The following AGFG2 variants were observed in gnomAD, a reference collection of about 807,000 sequenced individuals.
AGFG2 encodes ArfGAP with FG repeats 2.
In AGFG2, 31 loss-of-function variants were observed where a neutral mutation model predicts 48.0. The ratio of observed to expected loss-of-function variants is 0.65; its 90% CI spans 0.49 to 0.87. The LOEUF is 0.87. Among genes scored for constraint, AGFG2 ranks in the 40% least tolerant of loss-of-function variants. AGFG2 has a pLI of 0.00. For missense variants in AGFG2, 599 were observed against 632.6 expected (o/e 0.95, Z 0.57); for synonymous variants, 229 against 260.8 (o/e 0.88, Z 1.18).
chr7:100,552,443 G>A (rs1339875923), intron 3 of AGFG2, among the ~76,000 whole-genome samples: 1 of 152,176 alleles, frequency 6.6e-6, no homozygotes, highest in Non-Finnish European at 1.5e-5. Flanking sequence ...TTGTCAGGGG[G>A]ATCCTGGAAC....
chr7:100,558,138 C>T (rs540666837), intron 6 of AGFG2, among the ~76,000 whole-genome samples: 67 of 152,202 alleles, frequency 4.4e-4, no homozygotes, highest in African/African-American at 1.5e-3. Context: ...CACTTGAACC[C>T]GGGAGGCGGA....
At position 100,546,320 on chromosome 7, in the gene AGFG2, T is replaced by C. The variant is rs561448761; in HGVS notation, c.222-2502T>C. On this transcript the variant is annotated intron_variant, in intron 1 of 11. Transcript: ENST00000300176. ...CTCCCTGTTTACAGTTCGCTAACAG[T>C]TCCTGGTTATCCATTCAGGAAATGT... is the stretch of plus-strand genomic sequence containing the variant. 2.6e-5 allele frequency among the ~76,000 whole-genome samples: 4 copies of C among 152,266 alleles called. No individual in the cohort carries two copies. In the South Asian group the frequency reaches 6.2e-4, roughly 24 times the overall value.
At position 100,567,955 on chromosome 7, in the gene AGFG2, T is replaced by C. The variant is rs1477501273; in HGVS notation, c.*2964T>C. The C allele has an allele frequency of 6.6e-6, 1 of 152,526 alleles. No individual in the cohort carries two copies. Among genetic ancestry groups the C allele is most frequent in the Non-Finnish European group, 1.5e-5 (1 of 68,062 alleles). 9.4% of individuals were successfully genotyped at this position (152,526 alleles called of 1,614,324 possible). A position where few individuals can be genotyped will look rare whatever the true frequency, so the allele number is the denominator to read the frequency against. On this transcript the variant is annotated 3_prime_UTR_variant, in exon 12 of 12. Coordinates refer to ENST00000300176, the MANE Select transcript of AGFG2 (RefSeq NM_006076.5). ...ACTCCAGGTTTGTCCTGGTACTCAG[T>C]GGGTCCAATCACCTGGCATTGATCA... is the stretch of plus-strand genomic sequence containing the variant.
rs775105221 is a variant in AGFG2 at position 100,564,222 on chromosome 7, T to C, written c.1305T>C (p.Ser435=). Residue 435 remains serine, a synonymous_variant, in exon 11 of 12, where the codon TCT becomes TCC. Coordinates refer to ENST00000300176, the MANE Select transcript of AGFG2 (RefSeq NM_006076.5). ...GTGACTGCTCTCGCCCCCTAGGCTCTTCCTTCGGGGACTTAGGATCAGCCA... is the reference window on the plus strand; with the variant it reads ...GTGACTGCTCTCGCCCCCTAGGCTCCTCCTTCGGGGACTTAGGATCAGCCA... The part of the protein sequence containing the change: ...QTPLVQQQNG[S]SFGDLGSAKL... 1 of 1,611,590 alleles carries C rather than the reference T, an allele frequency of 6.2e-7. No individual in the cohort carries two copies. The highest frequency in any genetic ancestry group is 1.1e-5 in the South Asian group (1 of 90,398).
intron 6 of AGFG2, among the ~76,000 whole-genome samples, chr7:100,559,954 C>G (rs1339067065): frequency 2.0e-5 from 3 of 152,190 alleles, no homozygotes; most frequent in Admixed American, 1.3e-4. Flanking sequence ...GGTTCTGCCC[C>G]CTAGTGTCCA....
At chr7:100,548,635 C>G (rs1207583437) in intron 1 of AGFG2, among the ~76,000 whole-genome samples, 187 bp from the exon 2 acceptor site, 1 of 152,108 alleles carries the variant, frequency 6.6e-6, no homozygotes, top group African/African-American at 2.4e-5. Context: ...CTTCTAATAT[C>G]TCCAAAATAT....
intron 3 of AGFG2, among the ~76,000 whole-genome samples, chr7:100,553,100 C>G (rs1441944686): frequency 6.6e-6 from 1 of 152,106 alleles, no homozygotes; most frequent in Non-Finnish European, 1.5e-5. Flanking sequence ...CTGTGTTGAG[C>G]CAACATTGCC....
chr7:100,564,962 A>G lies in AGFG2; in HGVS notation c.1417A>G (p.Lys473Glu), dbSNP rs1455045273. 5.0e-6 allele frequency: 8 copies of G among 1,613,994 alleles called. No homozygotes were observed. ...ACCCTCATCAAGCCCATTCGCCTCC[A>G]AACCTCCAACCACCAACCCCTTCTT... ...TGPSSSPFAS[K>E]PPTTNPFL Residue 473 changes from lysine (K) to glutamate (E), a missense_variant, in exon 12 of 12, where the codon AAA becomes GAA. Lys to Glu is a moderately conservative substitution (Grantham distance 56). Coordinates refer to ENST00000300176, the MANE Select transcript of AGFG2 (RefSeq NM_006076.5).
chr7:100,548,987 G>C, intron 2 of AGFG2, 72 bp downstream of exon 2: 3 of 1,257,814 alleles, frequency 2.4e-6, no homozygotes, highest in East Asian at 4.7e-5. Flanking sequence ...AGATTGTAGG[G>C]AAACCTTACG....
In AGFG2 at chr7:100,562,179, C is replaced by A; in HGVS notation, c.878-80C>A. The A allele has an allele frequency of 6.5e-7, 1 of 1,545,932 alleles. No homozygotes were observed. ...TGCCATGACTCCAATCCATCACCAC[C>A]ACCACCTCCATCTGCTCTCCTGCCC... On this transcript the variant is annotated intron_variant, in intron 6 of 11. Coordinates refer to ENST00000300176, the MANE Select transcript of AGFG2 (RefSeq NM_006076.5). This position sits in a 1 kb window ranked among gnomAD's most constrained non-coding sequence, Gnocchi z 5.4.
In AGFG2 at chr7:100,564,296, C is replaced by T. The variant is rs772512297; in HGVS notation, c.1379C>T (p.Pro460Leu). 1 of 1,613,508 alleles carries T rather than the reference C, an allele frequency of 6.2e-7. No individual in the cohort carries two copies. The highest frequency in any genetic ancestry group is 1.1e-5 in the South Asian group (1 of 90,878). The change falls in exon 11 of 12, where the codon CCC (proline) becomes CTC (leucine). Residue 460 changes from proline to leucine, a missense_variant. Pro to Leu is a moderately conservative substitution (Grantham distance 98). Coordinates refer to ENST00000300176, the MANE Select transcript of AGFG2 (RefSeq NM_006076.5). ...LSQPAGISTN[P>L]FMTGPSSSPF... ...CAGCCAGCTGGGATCTCCACCAACC[C>T]CTTCATGGTGAGTGTGCCAGCAGGG...
At position 100,548,821 on chromosome 7, in the gene AGFG2, G is replaced by A. The variant is rs1800564799; in HGVS notation, c.222-1G>A. The A allele has an allele frequency of 6.2e-7, 1 of 1,610,502 alleles. No homozygotes were observed. Among genetic ancestry groups the A allele is most frequent in the African/African-American group, 1.3e-5 (1 of 74,712 alleles). On this transcript the variant is annotated splice_acceptor_variant, in intron 1 of 11. Transcript: ENST00000300176. LOFTEE classifies it high-confidence loss of function. ...TCTTTCTTCCTGTTTCTCTCCCATA[G>A]GAGAGGGCTGAACCCCCCTCATCGT... is the stretch of plus-strand genomic sequence containing the variant.
rs577838239 is a variant in AGFG2, at chr7:100,553,253, T to C, written c.432-94T>C. On this transcript the variant is annotated intron_variant, in intron 3 of 11. Coordinates refer to ENST00000300176, the MANE Select transcript of AGFG2 (RefSeq NM_006076.5). ...GGGAATCAGTAGAGAAAAATGAGCATAGATTTTGACTCCTGTGTCTTCCCA... is the reference window on the plus strand; with the variant it reads ...GGGAATCAGTAGAGAAAAATGAGCACAGATTTTGACTCCTGTGTCTTCCCA... 172 of 1,472,248 alleles carry C rather than the reference T, an allele frequency of 1.2e-4. No homozygotes were observed. The African/African-American group carries it at 2.2e-3, about 19-fold the overall frequency. The allele number at this position is 1,472,248 out of a possible 1,614,324, so 91.2% of individuals were successfully genotyped here. A position where few individuals can be genotyped will look rare whatever the true frequency, so the allele number is the denominator to read the frequency against.
chr7:100,548,515 A>G (rs1800557316), intron 1 of AGFG2, among the ~76,000 whole-genome samples: 1 of 151,902 alleles, frequency 6.6e-6, no homozygotes, highest in South Asian at 2.1e-4. Flanking sequence ...TTTTCACCAT[A>G]TTGGCCAGGC....
chr7:100,556,845 T>G (rs958419429), intron 6 of AGFG2, among the ~76,000 whole-genome samples: 3 of 152,188 alleles, frequency 2.0e-5, no homozygotes, highest in African/African-American at 7.2e-5. Flanking sequence ...TGTGAGCTGA[T>G]TAGCTGCTTT....
chr7:100,551,071 T>TATA lies in AGFG2; in HGVS notation c.431+560_431+561insATA, dbSNP rs1491536203. Among the ~76,000 whole-genome samples the TATA allele has an allele frequency of 1.4e-4, 13 of 90,380 alleles. 1 individual carries two copies. The highest frequency in any genetic ancestry group is 4.4e-4 in the Admixed American group (4 of 9,076). 59.3% of individuals were successfully genotyped at this position (90,380 alleles called of 152,430 possible). Reference sequence around the variant, plus strand: ...ATATATATATATATATATATATTTCTTTTTTTTTTTTTTTTTGAGACAGAG... The same window carrying TATA: ...ATATATATATATATATATATATTTCTATATTTTTTTTTTTTTTTTGAGACAGAG... On this transcript the variant is annotated intron_variant, in intron 3 of 11. Transcript: ENST00000300176.
At chr7:100,564,166 G>A (rs748770739) in intron 10 of AGFG2, 52 bp from the exon 11 acceptor site, 25 of 1,581,324 alleles carry the variant, frequency 1.6e-5, no homozygotes, top group East Asian at 6.8e-5. Flanking sequence ...CTTGCTGTCC[G>A]CCTGCAGGAA....
chr7:100,550,396 G>T lies in AGFG2; in HGVS notation c.316G>T (p.Val106Phe). The T allele has an allele frequency of 1.9e-6, 3 of 1,611,344 alleles. No individual in the cohort carries two copies. The highest frequency in any genetic ancestry group is 2.5e-6 in the Non-Finnish European group (3 of 1,178,280). The change falls in exon 3 of 12, where the codon GTT becomes TTT. Residue 106 changes from valine to phenylalanine, a missense_variant and splice_region_variant. By Grantham distance (50) the Val-to-Phe change is conservative (BLOSUM62 -1). Transcript: ENST00000300176. Reference sequence around the variant, plus strand: ...TCCTCTGACACCTTCATTCTTTTAGGTTTGCCGGAAGATTTGGTTGGGTCT... The same window carrying T: ...TCCTCTGACACCTTCATTCTTTTAGTTTTGCCGGAAGATTTGGTTGGGTCT... ...VVFLQSRGNE[V>F]CRKIWLGLFD...
In AGFG2 at chr7:100,539,946, G is replaced by A. The variant is rs1800391634; in HGVS notation, c.221+379G>A. On this transcript the variant is annotated intron_variant, in intron 1 of 11. Transcript: ENST00000300176. ...GACTTAAAGGGCCAGAAAATGACAT[G>A]CACCTTTAGAGGGAACTTCATGCAG... Among the ~76,000 whole-genome samples, 3 of 152,130 alleles carry A rather than the reference G, an allele frequency of 2.0e-5. No individual in the cohort carries two copies. In the South Asian group the frequency reaches 6.2e-4, roughly 32 times the overall value.
Sources: gnomAD v4.1 joint callset for allele counts (sites outside exome capture counted in the v4.1 genomes callset) on GRCh38, gnomAD v4.1.1 for gene constraint, Gnocchi (gnomAD v3.1) non-coding constraint, MANE v1.5 for transcripts, NCBI Gene and HGNC (gene_info 2026-07-23, HGNC 2026-07-21) for gene names.